SYT12: variants seen among roughly 807,000 people sequenced by gnomAD.
SYT12 encodes the protein synaptotagmin 12.
In SYT12, 27 loss-of-function variants were observed where a neutral mutation model predicts 39.5. The ratio of observed to expected loss-of-function variants is 0.68; its 90% confidence interval spans 0.50 to 0.94. The LOEUF (loss-of-function observed/expected upper bound fraction) is 0.94. Among genes scored for constraint, SYT12 ranks in the 40% least tolerant of loss-of-function variants. The probability of loss-of-function intolerance (pLI) is 0.00; values close to 1 mark genes in which losing one functional copy is unlikely to be tolerated. For synonymous variants in SYT12, 233 were observed against 239.7 expected (o/e 0.97, Z 0.26); for missense variants, 536 against 572.6 (o/e 0.94, Z 0.65).
At chr11:67,018,263 C>CA (rs1168582836), upstream of SYT12, among the ~76,000 whole-genome samples, 44 of 141,778 alleles carry the variant, frequency 3.1e-4, no homozygotes, top group East Asian at 1.4e-3. Context: ...AACTCTGTCT[C>CA]AAAAAAAAAA....
chr11:67,027,885 C>G (rs571682296), intron 1 of SYT12: 1 of 152,384 alleles, frequency 6.6e-6, no homozygotes, highest in East Asian at 1.9e-4. Context: ...AAGGCAGAAG[C>G]AGGCTGGGAG....
At chr11:67,019,890 C>G (rs1339297586), upstream of SYT12, among the ~76,000 whole-genome samples, 1 of 138,558 alleles carries the variant, frequency 7.2e-6, no homozygotes, top group Non-Finnish European at 1.6e-5. Context: ...GAGTGAGACC[C>G]TGTCTCAAAA....
chr11:67,034,230 T>G (rs1354702829), intron 2 of SYT12, among the ~76,000 whole-genome samples: 1 of 152,238 alleles, frequency 6.6e-6, no homozygotes, highest in Non-Finnish European at 1.5e-5. Context: ...ATCTACTGTA[T>G]AGACTGGTGT....
At chr11:67,046,287 G>A (rs535528965) in intron 7 of SYT12, among the ~76,000 whole-genome samples, 1 of 152,272 alleles carries the variant, frequency 6.6e-6, no homozygotes, top group East Asian at 1.9e-4. Context: ...GAACTCCCCA[G>A]GTTCGCGTGG....
Position 67,044,664 on chromosome 11 carries a change from C to G in SYT12, c.909C>G (p.Val303=), listed in dbSNP as rs765400549. The part of the protein sequence containing the change: ...YLPTAERLTV[V]VVKAKNLIWT... Reference sequence around the variant, plus strand: ...CCACAGCCGAGCGCCTCACCGTGGTCGTGGTTAAGGCCAAGAACCTCATCT... The same window carrying G: ...CCACAGCCGAGCGCCTCACCGTGGTGGTGGTTAAGGCCAAGAACCTCATCT... The change falls in exon 6 of 8, where the codon GTC becomes GTG. Residue 303 remains valine, a synonymous_variant. Transcript: ENST00000527043. The G allele has an allele frequency of 1.9e-6, 3 of 1,613,720 alleles. No homozygotes were observed. The highest frequency in any genetic ancestry group is 1.7e-5 in the Admixed American group (1 of 60,020).
chr11:67,021,009 G>A (rs950192576), upstream of SYT12, among the ~76,000 whole-genome samples: 16 of 152,084 alleles, frequency 1.1e-4, no homozygotes, highest in African/African-American at 3.4e-4. Flanking sequence ...GATTACAGGC[G>A]TGAGCCTGAA....
At chr11:67,012,058 C>T (rs961684194) in intron 3 of SYT12, among the ~76,000 whole-genome samples, 7 of 150,062 alleles carry the variant, frequency 4.7e-5, no homozygotes, top group South Asian at 2.2e-4. Context: ...CCACTGCGCC[C>T]GGGCCAGGTC....
chr11:67,011,446 T>C (rs1950012573), intron 3 of SYT12, among the ~76,000 whole-genome samples: 1 of 152,218 alleles, frequency 6.6e-6, no homozygotes, highest in African/African-American at 2.4e-5. Flanking sequence ...TCTCACCATG[T>C]TGGTCAGGCT....
rs772443977 is a variant in SYT12, at chr11:67,030,212, G to T, written c.34+34G>T. 4.3e-6 allele frequency: 7 copies of T among 1,613,152 alleles called. No individual in the cohort carries two copies. The East Asian group carries it at 6.7e-5, about 15-fold the overall frequency. On this transcript the variant is annotated intron_variant, in intron 2 of 7. Coordinates refer to ENST00000527043, the MANE Select transcript of SYT12 (RefSeq NM_177963.4). ...CCAGGGCAAACCCCTCCTGGATCAC[G>T]CCTGCGAGACCCTTACACCAGGCCT...
intron 2 of SYT12, 89 bp downstream of exon 2, chr11:67,030,267 A>G (rs1005344617): frequency 6.2e-6 from 9 of 1,454,794 alleles, no homozygotes; most frequent in South Asian, 1.2e-5. Flanking sequence ...GACATGAATA[A>G]TTAGTCCTTG....
intron 3 of SYT12, among the ~76,000 whole-genome samples, chr11:67,017,360 A>ATT (rs11444184): frequency 1.4e-3 from 198 of 139,516 alleles, no homozygotes; most frequent in Admixed American, 1.7e-3. Flanking sequence ...CATTTCTACA[A>ATT]TTTTTTTTTT....
At chr11:67,035,322 T>G in intron 3 of SYT12, among the ~76,000 whole-genome samples, 1 of 143,958 alleles carries the variant, frequency 6.9e-6, no homozygotes, top group African/African-American at 2.5e-5. Context: ...GCTAACGTTT[T>G]CTTTCTTTCT....
At chr11:67,032,956 T>TA (rs1158018104) in intron 2 of SYT12, 3 of 153,412 alleles carry the variant, frequency 2.0e-5, no homozygotes, top group Non-Finnish European at 4.3e-5. Flanking sequence ...AGTAGAGCCT[T>TA]ACAGGGTGCT....
intron 3 of SYT12, among the ~76,000 whole-genome samples, chr11:67,017,981 G>C (rs112296598): frequency 1.9e-3 from 281 of 149,896 alleles, no homozygotes; most frequent in Non-Finnish European, 2.9e-3. Flanking sequence ...AATTTTAAAG[G>C]CCGGGCGCGG....
In SYT12 at chr11:67,013,544, C is replaced by T. The variant is rs527364745; in HGVS notation, c.-69+2550C>T. 2.0e-5 allele frequency among the ~76,000 whole-genome samples: 3 copies of T among 152,270 alleles called. No homozygotes were observed. The South Asian group carries it at 6.2e-4, about 32-fold the overall frequency. On this transcript the variant is annotated intron_variant, in intron 3 of 10. Transcript: ENST00000393946. ...ACAGTCAAGGCCTTTAGTCCTTGAGCCCATCCCATTCACCCTTCGAGGCTC... is the reference window on the plus strand; with the variant it reads ...ACAGTCAAGGCCTTTAGTCCTTGAGTCCATCCCATTCACCCTTCGAGGCTC...
At chr11:67,043,543 A>G in intron 4 of SYT12, 95 bp from the exon 5 acceptor site, 1 of 1,150,772 alleles carries the variant, frequency 8.7e-7, no homozygotes, top group East Asian at 2.3e-5. Flanking sequence ...CAGAGCCAGG[A>G]CTCTAGCCTG....
At chr11:67,039,601 C>G (rs910235574) in intron 3 of SYT12, among the ~76,000 whole-genome samples, 1 of 152,064 alleles carries the variant, frequency 6.6e-6, no homozygotes, top group African/African-American at 2.4e-5. Context: ...GCAACAAGAG[C>G]AAAACTCCAT....
intron 1 of SYT12, chr11:67,027,451 G>T (rs1488936217): frequency 1.4e-5 from 2 of 140,772 alleles, no homozygotes; most frequent in Non-Finnish European, 3.0e-5. Flanking sequence ...AGTGAGCTGA[G>T]ATCGCGCCAT....
chr11:67,040,477 T>C (rs1950490575), intron 4 of SYT12, among the ~76,000 whole-genome samples: 1 of 152,126 alleles, frequency 6.6e-6, no homozygotes, highest in Admixed American at 6.6e-5. Flanking sequence ...ACATCTGCCC[T>C]GTGTCAACAT....
Sources: allele counts gnomAD v4.1 joint callset (sites outside exome capture counted in the v4.1 genomes callset), GRCh38; gene constraint gnomAD v4.1.1; transcripts MANE v1.5; gene names NCBI Gene and HGNC (gene_info 2026-07-23, HGNC 2026-07-21).